FKBP5: variants seen among roughly 807,000 people sequenced by gnomAD.
FKBP5 encodes the protein peptidyl-prolyl cis-trans isomerase FKBP5.
FKBP5 carries 23 observed loss-of-function variants against 50.5 expected under a neutral mutation model. The observed-to-expected ratio is 0.46, with a 90% CI of 0.33 to 0.65. FKBP5 has a LOEUF of 0.65. Among genes scored for constraint, FKBP5 ranks in the 30% least tolerant of loss-of-function variants. The pLI is 0.02. For synonymous variants in FKBP5, 176 were observed against 190.6 expected, an observed-to-expected ratio of 0.92 and a Z score of 0.63; for missense variants, 411 against 553.1, an observed-to-expected ratio of 0.74 and a Z score of 2.58.
In FKBP5 at chr6:35,658,732, A is replaced by G. The variant is rs1238711728; in HGVS notation, c.-19-15889T>C. Among the ~76,000 whole-genome samples the G allele has an allele frequency of 3.2e-4, 7 of 22,118 alleles. 2 individuals carry two copies. Among genetic ancestry groups the G allele is most frequent in the African/African-American group, 7.7e-4 (7 of 9,144 alleles). The allele number at this position is 22,118 out of a possible 152,430, so 14.5% of individuals were successfully genotyped here. On this transcript the variant is annotated intron_variant, in intron 1 of 10. Transcript: ENST00000357266. ...AAACCCTATTTGGTCACTGTATTTT[A>G]TCATTTTTATATGTTGTTGGATTCA...
intron 5 of FKBP5, among the ~76,000 whole-genome samples, chr6:35,616,415 A>G (rs574028763): frequency 2.6e-5 from 4 of 152,148 alleles, no homozygotes; most frequent in East Asian, 1.9e-4. Flanking sequence ...TGAAATTCAA[A>G]TAAGATCTGG....
intron 1 of FKBP5, among the ~76,000 whole-genome samples, chr6:35,656,752 C>G (rs1047223751): frequency 6.6e-6 from 1 of 152,088 alleles, no homozygotes. Flanking sequence ...CAAAATTTAG[C>G]AGGGCATGGT....
chr6:35,615,413 G>A (rs918459119), intron 5 of FKBP5, among the ~76,000 whole-genome samples: 1 of 151,894 alleles, frequency 6.6e-6, no homozygotes, highest in Non-Finnish European at 1.5e-5. Flanking sequence ...TTTAAGATGA[G>A]CCATGAGTGT....
At chr6:35,617,842 G>A (rs994862595) in intron 5 of FKBP5, among the ~76,000 whole-genome samples, 3 of 152,164 alleles carry the variant, frequency 2.0e-5, no homozygotes, top group African/African-American at 4.8e-5. Flanking sequence ...TGCTCCGGGA[G>A]GGAAGAAGAG....
At chr6:35,669,958 G>A (rs1392566707) in intron 1 of FKBP5, among the ~76,000 whole-genome samples, 1 of 152,130 alleles carries the variant, frequency 6.6e-6, no homozygotes, top group Admixed American at 6.6e-5. Context: ...CTGGTATAAA[G>A]ATTTCTTCCC....
chr6:35,725,017 T>C (rs1213435917), intron 1 of FKBP5, among the ~76,000 whole-genome samples: 1 of 152,128 alleles, frequency 6.6e-6, no homozygotes, highest in African/African-American at 2.4e-5. Flanking sequence ...TGTGCAGAGA[T>C]AGTTCTCCAT....
At chr6:35,599,560 C>G (rs1763083210) in intron 5 of FKBP5, among the ~76,000 whole-genome samples, 1 of 152,128 alleles carries the variant, frequency 6.6e-6, no homozygotes, top group African/African-American at 2.4e-5. Context: ...ACTCACTACT[C>G]TTTTTTAACT....
intron 5 of FKBP5, among the ~76,000 whole-genome samples, chr6:35,600,525 G>A (rs975731509): frequency 7.6e-5 from 11 of 144,034 alleles, no homozygotes; most frequent in Admixed American, 4.3e-4. Context: ...AAGAAATTTA[G>A]ACTAATAACA....
intron 2 of FKBP5, among the ~76,000 whole-genome samples, chr6:35,702,112 T>G (rs1180596690): frequency 6.6e-6 from 1 of 152,154 alleles, no homozygotes; most frequent in African/African-American, 2.4e-5. Context: ...CCTCCTAAAG[T>G]GCTGGGATTA....
chr6:35,642,866 A>G (rs776186151), intron 1 of FKBP5, 23 bp from the exon 2 acceptor site: 79 of 1,536,292 alleles, frequency 5.1e-5, no homozygotes, highest in Non-Finnish European at 6.6e-5. Flanking sequence ...AAAATATTTT[A>G]GCTGGGAAAA....
At chr6:35,643,794 T>C (rs920365918) in intron 1 of FKBP5, among the ~76,000 whole-genome samples, 50 of 152,296 alleles carry the variant, frequency 3.3e-4, no homozygotes, top group African/African-American at 1.1e-3. Flanking sequence ...CCTTAGCTCT[T>C]CTCTCGATTT....
chr6:35,580,903 AG>A, intron 8 of FKBP5: 2 of 985,274 alleles, frequency 2.0e-6, no homozygotes, highest in Non-Finnish European at 2.4e-6. Context: ...AAAAATGAAA[AG>A]GAAGTTACTT....
At chr6:35,586,623 A>G in intron 8 of FKBP5, 2 of 994,834 alleles carry the variant, frequency 2.0e-6, no homozygotes, top group Non-Finnish European at 2.4e-6. Context: ...AAAAAAAGGA[A>G]GAAAGAAAAA....
chr6:35,605,236 T>C (rs1429549578), intron 5 of FKBP5, among the ~76,000 whole-genome samples: 1 of 152,006 alleles, frequency 6.6e-6, no homozygotes, highest in Non-Finnish European at 1.5e-5. Flanking sequence ...TTTAAAGATA[T>C]ATATATATAC....
chr6:35,598,987 A>C (rs186240783), intron 5 of FKBP5, among the ~76,000 whole-genome samples: 2 of 152,076 alleles, frequency 1.3e-5, no homozygotes, highest in African/African-American at 4.8e-5. Flanking sequence ...AATAAATAAA[A>C]AAATAAATAA....
chr6:35,602,612 C>T (rs1290899870), intron 5 of FKBP5, among the ~76,000 whole-genome samples: 2 of 151,768 alleles, frequency 1.3e-5, no homozygotes, highest in Non-Finnish European at 2.9e-5. Flanking sequence ...TAATAACCCC[C>T]TGAAAAAGCA....
At chr6:35,652,828 A>G (rs1285185514) in intron 1 of FKBP5, among the ~76,000 whole-genome samples, 1 of 152,060 alleles carries the variant, frequency 6.6e-6, no homozygotes, top group Non-Finnish European at 1.5e-5. Flanking sequence ...ATCCCTAATA[A>G]AAACTTGCTG....
chr6:35,673,702 G>C (rs1047885220), intron 1 of FKBP5, among the ~76,000 whole-genome samples: 5 of 152,166 alleles, frequency 3.3e-5, no homozygotes, highest in African/African-American at 1.2e-4. Context: ...ATTAAGAATA[G>C]TGAGGCTCAT....
chr6:35,670,305 G>C (rs575558941), intron 1 of FKBP5, among the ~76,000 whole-genome samples: 6 of 152,112 alleles, frequency 3.9e-5, no homozygotes, highest in Non-Finnish European at 8.8e-5. Context: ...AATGAAACAA[G>C]GATCAAAACT....
Sources: allele counts gnomAD v4.1 joint callset (sites outside exome capture counted in the v4.1 genomes callset), GRCh38; gene constraint gnomAD v4.1.1; transcripts MANE v1.5; gene names NCBI Gene and HGNC (gene_info 2026-07-23, HGNC 2026-07-21).